Variants in GLDC observed in about 807,000 individuals in gnomAD.
GLDC encodes glycine decarboxylase, also known as glycine dehydrogenase (decarboxylating), mitochondrial.
Under a neutral mutation model 121.3 loss-of-function variants are expected in GLDC, and 104 were observed. The ratio of observed to expected loss-of-function variants is 0.86; its 90% confidence interval spans 0.73 to 1.01. The LOEUF (loss-of-function observed/expected upper bound fraction) is 1.01, where lower values mean the gene tolerates loss of function less well. Among genes scored for constraint, GLDC ranks in the 50% least tolerant of loss-of-function variants. GLDC has a pLI of 0.00. For synonymous variants in GLDC, 546 were observed against 480.6 expected (o/e 1.14, Z -1.78); for missense variants, 1,429 against 1,306.6 (o/e 1.09, Z -1.44).
chr9:6,628,561 CAGAA>C, intron 2 of GLDC, among the ~76,000 whole-genome samples: 1 of 152,134 alleles, frequency 6.6e-6, no homozygotes, highest in Non-Finnish European at 1.5e-5. Flanking sequence ...GAGGCCGAGG[CAGAA>C]GGATTGTTTG....
intron 2 of GLDC, among the ~76,000 whole-genome samples, chr9:6,640,582 C>G (rs575440146): frequency 5.9e-5 from 9 of 152,240 alleles, no homozygotes; most frequent in Non-Finnish European, 1.2e-4. Flanking sequence ...GTCCATCATT[C>G]TGACAACTCA....
At chr9:6,577,448 G>A (rs1818088034) in intron 15 of GLDC, among the ~76,000 whole-genome samples, 2 of 152,194 alleles carry the variant, frequency 1.3e-5, no homozygotes, top group African/African-American at 4.8e-5. Flanking sequence ...GGAACCCTCT[G>A]AGATCAGGAG....
chr9:6,608,062 G>A (rs1382766509), intron 4 of GLDC, among the ~76,000 whole-genome samples: 1 of 151,956 alleles, frequency 6.6e-6, no homozygotes, highest in Non-Finnish European at 1.5e-5. Flanking sequence ...AGTCAAGGCT[G>A]CAGTGAGCTG....
At chr9:6,628,962 T>A (rs1819305621) in intron 2 of GLDC, among the ~76,000 whole-genome samples, 2 of 152,100 alleles carry the variant, frequency 1.3e-5, no homozygotes, top group African/African-American at 4.8e-5. Flanking sequence ...CTGGTCCTAA[T>A]GTACCAAGAA....
chr9:6,603,064 C>T lies in GLDC; in HGVS notation c.1059-859G>A, dbSNP rs148074549. On this transcript the variant is annotated intron_variant, in intron 7 of 24. Coordinates refer to ENST00000321612, the MANE Select transcript of GLDC (RefSeq NM_000170.3). ...CCAACATGGTGAAACCCCATCTCTA[C>T]TAAAAATACAAAAATTAGCCAGACA... is the stretch of plus-strand genomic sequence containing the variant. Among the ~76,000 whole-genome samples, 737 of 151,878 alleles carry T rather than the reference C, an allele frequency of 4.9e-3. 5 individuals are homozygous for T. Among genetic ancestry groups the T allele is most frequent in the African/African-American group, 0.017 (711 of 41,420 alleles).
At chr9:6,538,962 A>G (rs1033819431) in intron 22 of GLDC, among the ~76,000 whole-genome samples, 2 of 152,238 alleles carry the variant, frequency 1.3e-5, no homozygotes, top group African/African-American at 4.8e-5. Flanking sequence ...ACTGCATAAT[A>G]AGATCATTCA....
intron 15 of GLDC, among the ~76,000 whole-genome samples, chr9:6,571,230 CA>C (rs1817960579): frequency 6.6e-6 from 1 of 152,048 alleles, no homozygotes; most frequent in South Asian, 2.1e-4. Flanking sequence ...GGCTTATTAA[CA>C]GTAGCCCCCT....
chr9:6,576,977 C>CTAGAT, intron 15 of GLDC, among the ~76,000 whole-genome samples: 1 of 152,316 alleles, frequency 6.6e-6, no homozygotes, highest in African/African-American at 2.4e-5. Context: ...CCTAACCTTT[C>CTAGAT]CCTTGAGCTG....
chr9:6,544,454 G>C (rs1242469156), intron 21 of GLDC, among the ~76,000 whole-genome samples: 1 of 152,118 alleles, frequency 6.6e-6, no homozygotes, highest in Non-Finnish European at 1.5e-5. Context: ...GATAAGCCTA[G>C]CCAACATGGC....
intron 24 of GLDC, among the ~76,000 whole-genome samples, chr9:6,533,804 G>C (rs571650891): frequency 6.6e-6 from 1 of 150,810 alleles, no homozygotes; most frequent in African/African-American, 2.4e-5. Context: ...GTTGTGGTGA[G>C]CCGAGATGGT....
At chr9:6,581,918 G>C (rs1426530068) in intron 15 of GLDC, among the ~76,000 whole-genome samples, 1 of 152,070 alleles carries the variant, frequency 6.6e-6, no homozygotes, top group Admixed American at 6.6e-5. Context: ...TATCTGATAA[G>C]GAATTAGAAC....
In GLDC at chr9:6,534,692, G is replaced by A. The variant is rs775233747; in HGVS notation, c.2919+16C>T. 6.9e-6 allele frequency: 10 copies of A among 1,444,752 alleles called. No individual in the cohort carries two copies. The Admixed American group carries it at 1.5e-4, about 22-fold the overall frequency. The allele number at this position is 1,444,752 out of a possible 1,614,324, so 89.5% of individuals were successfully genotyped here. A position where few individuals can be genotyped will look rare whatever the true frequency, so the allele number is the denominator to read the frequency against. On this transcript the variant is annotated intron_variant, in intron 24 of 24. Transcript: ENST00000321612. The stretch of plus-strand genomic sequence containing the variant: ...CATGCCTTCCCAGCTGGCACATTCA[G>A]ATTCAGAGAACTTACGAGTGGGAAT...
intron 16 of GLDC, among the ~76,000 whole-genome samples, chr9:6,559,459 G>C (rs1563837235): frequency 6.7e-6 from 1 of 150,260 alleles, no homozygotes; most frequent in Non-Finnish European, 1.5e-5. Flanking sequence ...AGGTTGCGGT[G>C]AGCCGAGATT....
At chr9:6,596,839 C>A (rs1325434958) in intron 8 of GLDC, among the ~76,000 whole-genome samples, 1 of 152,154 alleles carries the variant, frequency 6.6e-6, no homozygotes, top group Non-Finnish European at 1.5e-5. Context: ...GGAAGTTCCT[C>A]AAAATGTTAA....
intron 21 of GLDC, among the ~76,000 whole-genome samples, chr9:6,544,302 C>G (rs1032810515): frequency 6.6e-6 from 1 of 151,918 alleles, no homozygotes; most frequent in African/African-American, 2.4e-5. Context: ...GATGTGAGGG[C>G]CCAGCCCCTG....
intron 15 of GLDC, 50 bp downstream of exon 15, chr9:6,587,091 T>C (rs961002118): frequency 1.3e-6 from 2 of 1,488,186 alleles, no homozygotes; most frequent in South Asian, 1.1e-5. Flanking sequence ...TTGTGGTGTA[T>C]GCTATACAAG....
Position 6,589,290 on chromosome 9 carries a change from T to C in GLDC, c.1485A>G (p.Glu495=), listed in dbSNP as rs747500252. 6.3e-6 allele frequency: 10 copies of C among 1,594,422 alleles called. No individual in the cohort carries two copies. In the African/African-American group the frequency reaches 1.2e-4, roughly 19 times the overall value. Residue 495 remains glutamate (E), a splice_region_variant and synonymous_variant, in exon 12 of 25, where the codon GAA becomes GAG. Transcript: ENST00000321612. ...CCTCTCCCATGCTTTCAGCAACCAGTTCCTGAAGGAGAAACACAGAGATGA... is the reference window on the plus strand; with the variant it reads ...CCTCTCCCATGCTTTCAGCAACCAGCTCCTGAAGGAGAAACACAGAGATGA... ...LWIFGCESSA[E]LVAESMGEEC... is the part of the protein sequence containing the mutation.
At chr9:6,555,689 G>C (rs1386782764) in intron 18 of GLDC, among the ~76,000 whole-genome samples, 3 of 152,162 alleles carry the variant, frequency 2.0e-5, no homozygotes, top group Non-Finnish European at 2.9e-5. Flanking sequence ...CTACTCGGGA[G>C]GCTGAGGCAG....
chr9:6,639,287 C>G (rs984720454), intron 2 of GLDC: 2 of 926,026 alleles, frequency 2.2e-6, no homozygotes, highest in African/African-American at 3.2e-5. Flanking sequence ...TTCCGGCGGT[C>G]CAAGACCCTG....
Sources: allele counts gnomAD v4.1 joint callset (sites outside exome capture counted in the v4.1 genomes callset), GRCh38; gene constraint gnomAD v4.1.1; transcripts MANE v1.5; gene names NCBI Gene and HGNC (gene_info 2026-07-23, HGNC 2026-07-21).